LIN52: variants seen among roughly 807,000 people sequenced by gnomAD.
The protein encoded by LIN52 is lin-52 DREAM MuvB core complex component, also known as protein lin-52 homolog.
LIN52 carries 4 observed loss-of-function variants against 18.5 expected under a neutral mutation model. The observed-to-expected ratio is 0.22, with a 90% confidence interval of 0.11 to 0.49. The LOEUF (loss-of-function observed/expected upper bound fraction) is 0.49, where lower values mean the gene tolerates loss of function less well. LIN52 is among the 20% of genes least tolerant of loss of function. LIN52 has a pLI of 0.97. For synonymous variants in LIN52, 34 were observed against 45.5 expected, an observed-to-expected ratio of 0.75 and a Z score of 1.02; for missense variants, 102 against 139.5, an observed-to-expected ratio of 0.73 and a Z score of 1.35.
intron 5 of LIN52, among the ~76,000 whole-genome samples, chr14:74,108,338 T>A (rs1285968483): frequency 1.3e-5 from 2 of 152,216 alleles, no homozygotes; most frequent in Non-Finnish European, 2.9e-5. Flanking sequence ...ACATTCAGGT[T>A]CAACCAAAAC....
At position 74,137,010 on chromosome 14, in the gene LIN52, A is replaced by G. The variant is rs554624502; in HGVS notation, c.283+35772A>G. Among the ~76,000 whole-genome samples, 14 of 152,246 alleles carry G rather than the reference A, an allele frequency of 9.2e-5. No homozygotes were observed. In the East Asian group the frequency reaches 2.7e-3, roughly 29 times the overall value. ...CAAATTATCAAGTAAATGAATATCA[A>G]TGCCACAAATAGGTCAGGAAAGAAG... On this transcript the variant is annotated intron_variant, in intron 5 of 5. Coordinates refer to ENST00000555028, the MANE Select transcript of LIN52 (RefSeq NM_001024674.3).
In LIN52 at chr14:74,090,630, C is replaced by T. The variant is rs112135888; in HGVS notation, c.20-602C>T. Among the ~76,000 whole-genome samples, 444 of 152,264 alleles carry T rather than the reference C, an allele frequency of 2.9e-3. 2 individuals carry two copies. Among genetic ancestry groups the T allele is most frequent in the Middle Eastern group, 0.014 (4 of 294 alleles). On this transcript the variant is annotated intron_variant, in intron 1 of 5. Coordinates refer to ENST00000555028, the MANE Select transcript of LIN52 (RefSeq NM_001024674.3). ...GATTACAGGCATGAGCCACCATGTC[C>T]GGCTGGGGTTTTTTTTTGAAACACA...
At chr14:74,157,869 A>G (rs943449029) in intron 5 of LIN52, among the ~76,000 whole-genome samples, 8 of 152,108 alleles carry the variant, frequency 5.3e-5, no homozygotes, top group African/African-American at 1.2e-4. Context: ...GGGATTTCCT[A>G]TGGAAGAACA....
chr14:74,189,140 A>G (rs982160608), intron 5 of LIN52, among the ~76,000 whole-genome samples: 6 of 152,188 alleles, frequency 3.9e-5, no homozygotes, highest in Non-Finnish European at 7.3e-5. Flanking sequence ...GTTCTGATCA[A>G]GTCACTTTGA....
chr14:74,102,452 C>T (rs74703936), intron 5 of LIN52, among the ~76,000 whole-genome samples: 1 of 152,178 alleles, frequency 6.6e-6, no homozygotes, highest in Admixed American at 6.5e-5. Context: ...GCTAAGTTCA[C>T]TCATTAGTAC....
intron 5 of LIN52, chr14:74,114,255 C>T (rs962999859): frequency 9.2e-6 from 9 of 982,910 alleles, no homozygotes; most frequent in African/African-American, 5.3e-5. Flanking sequence ...CTATCTTAAG[C>T]ATTTTCCTGT....
At chr14:74,096,047 G>C in intron 3 of LIN52, 62 bp downstream of exon 3, 2 of 1,111,164 alleles carry the variant, frequency 1.8e-6, no homozygotes, top group Middle Eastern at 4.1e-4. Context: ...TAAAAGCTCA[G>C]ATCTCTGTTC....
chr14:74,112,295 T>G (rs2060934287), intron 5 of LIN52, among the ~76,000 whole-genome samples: 1 of 151,954 alleles, frequency 6.6e-6, no homozygotes, highest in Non-Finnish European at 1.5e-5. Flanking sequence ...CATATTTCCT[T>G]GTTTGTTTGT....
intron 5 of LIN52, among the ~76,000 whole-genome samples, chr14:74,130,278 G>GTTTTTTTTTTTGTTTTTTTTTTTTTTT (rs2061055285): frequency 1.4e-4 from 9 of 64,818 alleles, no homozygotes; most frequent in Middle Eastern, 0.011. Context: ...GCATTTTTTG[G>GTTTTTTTTTTTGTTTTTTTTTTTTTTT]TTTTTTTTTT....
At chr14:74,150,521 G>A (rs971807399) in intron 5 of LIN52, among the ~76,000 whole-genome samples, 1 of 152,154 alleles carries the variant, frequency 6.6e-6, no homozygotes, top group African/African-American at 2.4e-5. Context: ...TGGTTGCATT[G>A]GGGCTATGAT....
chr14:74,181,123 A>AG (rs2061316773), intron 5 of LIN52, among the ~76,000 whole-genome samples: 1 of 120,112 alleles, frequency 8.3e-6, no homozygotes, highest in African/African-American at 2.9e-5. Context: ...AAAAAAAAAA[A>AG]AAAAAGAAAA....
chr14:74,090,323 G>A (rs1394503868), intron 1 of LIN52, among the ~76,000 whole-genome samples: 1 of 146,792 alleles, frequency 6.8e-6, no homozygotes, highest in Non-Finnish European at 1.5e-5. Flanking sequence ...CTGCCCTGGT[G>A]TTTTTTGTTT....
chr14:74,167,592 C>T (rs936618235), intron 5 of LIN52, among the ~76,000 whole-genome samples: 1 of 152,156 alleles, frequency 6.6e-6, no homozygotes, highest in Non-Finnish European at 1.5e-5. Context: ...TAACATGTAA[C>T]CCAATTCACT....
At chr14:74,184,668 T>C (rs902655534) in intron 5 of LIN52, among the ~76,000 whole-genome samples, 1 of 152,206 alleles carries the variant, frequency 6.6e-6, no homozygotes, top group Non-Finnish European at 1.5e-5. Flanking sequence ...AATCGGCAAC[T>C]GTTTGGCTTC....
chr14:74,141,797 C>T (rs139376182), intron 5 of LIN52, among the ~76,000 whole-genome samples: 22 of 152,258 alleles, frequency 1.4e-4, no homozygotes, highest in African/African-American at 5.3e-4. Flanking sequence ...GAGTGTTGTC[C>T]AAGGCACTGA....
intron 5 of LIN52, among the ~76,000 whole-genome samples, chr14:74,131,831 G>T (rs780908289): frequency 1.3e-5 from 2 of 152,144 alleles, no homozygotes; most frequent in Non-Finnish European, 2.9e-5. Flanking sequence ...AGACCTAAAA[G>T]AAGTGACTTT....
intron 5 of LIN52, among the ~76,000 whole-genome samples, chr14:74,145,580 T>C (rs963865332): frequency 1.3e-5 from 2 of 152,244 alleles, no homozygotes; most frequent in Non-Finnish European, 2.9e-5. Flanking sequence ...ACAATGAAAG[T>C]GTGGCAAAGT....
At chr14:74,185,620 T>C (rs935863217) in intron 5 of LIN52, among the ~76,000 whole-genome samples, 4 of 152,166 alleles carry the variant, frequency 2.6e-5, no homozygotes, top group African/African-American at 9.7e-5. Context: ...GCCAGTGATT[T>C]CTTTTTTAAT....
intron 5 of LIN52, among the ~76,000 whole-genome samples, chr14:74,179,437 A>T (rs1006556231): frequency 4.6e-5 from 7 of 152,162 alleles, no homozygotes; most frequent in African/African-American, 1.7e-4. Context: ...AGGCAGGCGG[A>T]TCATTTGAGG....
Sources: allele counts gnomAD v4.1 joint callset (sites outside exome capture counted in the v4.1 genomes callset), GRCh38; gene constraint gnomAD v4.1.1; transcripts MANE v1.5; gene names NCBI Gene and HGNC (gene_info 2026-07-23, HGNC 2026-07-21).